Variants in ADCY2 observed in about 807,000 individuals in gnomAD.
ADCY2 encodes adenylate cyclase type 2.
In ADCY2, 31 loss-of-function variants were observed where a neutral mutation model predicts 125.2. That is an observed-to-expected ratio of 0.25 (90% CI 0.19 to 0.33). The LOEUF is 0.33. Ranked by LOEUF, ADCY2 falls within the 10% of genes least tolerant of loss-of-function variation. ADCY2 has a pLI of 1.00. For synonymous variants in ADCY2, 512 were observed against 548.4 expected (o/e 0.93, Z 0.93); for missense variants, 904 against 1,418.2 (o/e 0.64, Z 5.82).
At chr5:7,716,753 G>A (rs1741604532) in intron 11 of ADCY2, among the ~76,000 whole-genome samples, 1 of 152,198 alleles carries the variant, frequency 6.6e-6, no homozygotes, top group African/African-American at 2.4e-5. Flanking sequence ...AGCCAAAGAA[G>A]TTTATCTCAT....
chr5:7,508,709 C>T (rs139054934), intron 2 of ADCY2, among the ~76,000 whole-genome samples: 3 of 152,250 alleles, frequency 2.0e-5, no homozygotes, highest in East Asian at 3.9e-4. Context: ...CTTCCATGGC[C>T]GGGTGAGGAA....
intron 3 of ADCY2, among the ~76,000 whole-genome samples, chr5:7,524,619 G>C (rs767609013): frequency 6.6e-6 from 1 of 152,202 alleles, no homozygotes; most frequent in Non-Finnish European, 1.5e-5. Context: ...CACTTTTGAA[G>C]ATTGCAGGAC....
intron 3 of ADCY2, among the ~76,000 whole-genome samples, chr5:7,594,284 T>G (rs948802342): frequency 6.6e-6 from 1 of 152,132 alleles, no homozygotes; most frequent in African/African-American, 2.4e-5. Context: ...AGGTATTCAG[T>G]ATGTGAGCCA....
intron 2 of ADCY2, among the ~76,000 whole-genome samples, chr5:7,443,688 G>T (rs766271334): frequency 7.1e-6 from 1 of 140,438 alleles, no homozygotes; most frequent in African/African-American, 2.7e-5. Context: ...ATGTGAGCAC[G>T]TACACATATT....
chr5:7,436,369 G>T (rs1740800753), intron 2 of ADCY2, among the ~76,000 whole-genome samples: 1 of 152,190 alleles, frequency 6.6e-6, no homozygotes, highest in Non-Finnish European at 1.5e-5. Context: ...TGACATTGCA[G>T]TTGCTGACTT....
At chr5:7,729,024 T>C (rs2126404614) in intron 14 of ADCY2, among the ~76,000 whole-genome samples, 2 of 152,316 alleles carry the variant, frequency 1.3e-5, no homozygotes, top group South Asian at 4.1e-4. Context: ...ATGTTCATTC[T>C]CTCAAGCTTC....
chr5:7,709,451 G>T lies in ADCY2; in HGVS notation c.1578+64G>T. 1 of 1,470,340 alleles carries T rather than the reference G, an allele frequency of 6.8e-7. No individual in the cohort carries two copies. The allele number at this position is 1,470,340 out of a possible 1,614,324, so 91.1% of individuals were successfully genotyped here. On this transcript the variant is annotated intron_variant, in intron 10 of 24. Transcript: ENST00000338316. The surrounding 1 kb of genome is among the most constrained non-coding windows in gnomAD (Gnocchi z 4.4). ...GAAAGCTAACTTCCCAAAACCAAAG[G>T]CTGGGCATCTCCTGCCAAAATAACT...
chr5:7,681,732 C>T (rs908162556), intron 4 of ADCY2, among the ~76,000 whole-genome samples: 2 of 152,026 alleles, frequency 1.3e-5, no homozygotes, highest in South Asian at 2.1e-4. Flanking sequence ...TTGTGGTACT[C>T]GCCCCAAGAG....
At chr5:7,402,345 A>T (rs1259942819) in intron 1 of ADCY2, among the ~76,000 whole-genome samples, 1 of 152,208 alleles carries the variant, frequency 6.6e-6, no homozygotes, top group Admixed American at 6.5e-5. Flanking sequence ...TGGTATAAGG[A>T]TGCAATAAAA....
intron 22 of ADCY2, among the ~76,000 whole-genome samples, chr5:7,809,473 CTTAAGCCT>C (rs1240932749): frequency 6.6e-6 from 1 of 152,224 alleles, no homozygotes; most frequent in Non-Finnish European, 1.5e-5. Flanking sequence ...CCAAAATGGG[CTTAAGCCT>C]TTGCTTCTCT....
intron 3 of ADCY2, among the ~76,000 whole-genome samples, chr5:7,561,814 G>A (rs10475379): frequency 0.37 from 56,598 of 151,902 alleles, 11,254 homozygotes; most frequent in African/African-American, 0.42. Flanking sequence ...CATTGCAGCT[G>A]CCTTTATGCC....
At chr5:7,647,894 T>C (rs1396541690) in intron 4 of ADCY2, among the ~76,000 whole-genome samples, 2 of 152,174 alleles carry the variant, frequency 1.3e-5, no homozygotes, top group Admixed American at 1.3e-4. Flanking sequence ...ACTTAAAGTA[T>C]AAAGCAAAAG....
chr5:7,587,153 T>C (rs1351099749), intron 3 of ADCY2, among the ~76,000 whole-genome samples: 1 of 152,120 alleles, frequency 6.6e-6, no homozygotes, highest in Non-Finnish European at 1.5e-5. Context: ...GTGCTGACTT[T>C]CAGCTGCACC....
chr5:7,522,286 C>T (rs1173159186), intron 3 of ADCY2: 1 of 152,218 alleles, frequency 6.6e-6, no homozygotes, highest in Non-Finnish European at 1.5e-5. Context: ...ACATCCCCAG[C>T]ACTTATTCAT....
At chr5:7,403,983 C>G (rs908688164) in intron 1 of ADCY2, among the ~76,000 whole-genome samples, 1 of 141,540 alleles carries the variant, frequency 7.1e-6, no homozygotes, top group Non-Finnish European at 1.6e-5. Flanking sequence ...CACAAAATTA[C>G]TAAAGCGCTG....
chr5:7,719,196 C>A (rs546918895), intron 12 of ADCY2, among the ~76,000 whole-genome samples: 28 of 152,158 alleles, frequency 1.8e-4, no homozygotes, highest in Admixed American at 1.4e-3. Context: ...TGCTTTGTGT[C>A]ATTTAGTATG....
At chr5:7,811,161 G>T (rs1385834275) in intron 22 of ADCY2, among the ~76,000 whole-genome samples, 1 of 152,150 alleles carries the variant, frequency 6.6e-6, no homozygotes, top group African/African-American at 2.4e-5. Flanking sequence ...AAGAGGAAAG[G>T]GGGGCTGTTC....
At chr5:7,653,455 A>C (rs1284451049) in intron 4 of ADCY2, among the ~76,000 whole-genome samples, 2 of 152,096 alleles carry the variant, frequency 1.3e-5, no homozygotes, top group African/African-American at 4.8e-5. Context: ...AATACAAAAA[A>C]TAATTAGCCA....
intron 2 of ADCY2, among the ~76,000 whole-genome samples, chr5:7,500,997 C>T (rs1400078298): frequency 4.6e-5 from 7 of 152,038 alleles, no homozygotes; most frequent in African/African-American, 1.2e-4. Flanking sequence ...ATTCTAAGTT[C>T]GTCAAGTGAT....
Sources: allele counts gnomAD v4.1 joint callset (sites outside exome capture counted in the v4.1 genomes callset), GRCh38; gene constraint gnomAD v4.1.1; non-coding constraint Gnocchi (gnomAD v3.1); transcripts MANE v1.5; gene names NCBI Gene and HGNC (gene_info 2026-07-23, HGNC 2026-07-21).